The following SCARA5 variants were observed in gnomAD, a reference collection of about 807,000 sequenced individuals.
SCARA5 encodes scavenger receptor class A member 5.
Under a neutral mutation model 46.3 loss-of-function variants are expected in SCARA5, and 45 were observed. The observed-to-expected ratio is 0.97, with a 90% CI of 0.76 to 1.24. The LOEUF (loss-of-function observed/expected upper bound fraction) is 1.24. SCARA5 is among the 50% of genes most tolerant of loss of function. The pLI is 0.00. For missense variants in SCARA5, 680 were observed against 689.0 expected, an observed-to-expected ratio of 0.99 and a Z score of 0.15; for synonymous variants, 333 against 306.5, an observed-to-expected ratio of 1.09 and a Z score of -0.90.
intron 7 of SCARA5, among the ~76,000 whole-genome samples, chr8:27,901,405 G>A (rs17058190): frequency 0.18 from 28,124 of 152,048 alleles, 2,742 homozygotes; most frequent in Middle Eastern, 0.3. Context: ...GCTCTCCGGT[G>A]CTGCAAACGC....
intron 2 of SCARA5, among the ~76,000 whole-genome samples, chr8:27,972,104 G>C (rs1808455282): frequency 1.3e-5 from 2 of 152,028 alleles, no homozygotes; most frequent in Admixed American, 1.3e-4. Flanking sequence ...ATGACCTGAG[G>C]TCAGGAGTTC....
chr8:27,924,006 T>G (rs1807642871), intron 3 of SCARA5, among the ~76,000 whole-genome samples: 1 of 152,202 alleles, frequency 6.6e-6, no homozygotes, highest in African/African-American at 2.4e-5. Context: ...AACAGTGATG[T>G]GTGTCTTCAT....
chr8:27,879,477 T>C (rs1806773969), intron 8 of SCARA5, 92 bp downstream of exon 8: 5 of 1,270,736 alleles, frequency 3.9e-6, no homozygotes, highest in African/African-American at 1.5e-5. Flanking sequence ...CCTCGCGGAA[T>C]TGCAGTGGAA....
At chr8:27,944,760 C>T (rs1034830027) in intron 3 of SCARA5, among the ~76,000 whole-genome samples, 1 of 150,298 alleles carries the variant, frequency 6.7e-6, no homozygotes, top group African/African-American at 2.5e-5. Flanking sequence ...ATCCCAGATA[C>T]TTGGGAGGCT....
At chr8:27,987,665 C>T (rs372996545) in intron 1 of SCARA5, 35 bp from the exon 2 acceptor site, 111 of 1,271,582 alleles carry the variant, frequency 8.7e-5, no homozygotes, top group Non-Finnish European at 1.1e-4. Context: ...AGAGGGAGGA[C>T]GAAGGCCGGG....
intron 7 of SCARA5, among the ~76,000 whole-genome samples, chr8:27,882,052 C>T (rs1006370035): frequency 6.6e-6 from 1 of 152,210 alleles, no homozygotes; most frequent in East Asian, 1.9e-4. Context: ...CTCCCTCCTC[C>T]CTACCCCTGG....
intron 3 of SCARA5, among the ~76,000 whole-genome samples, chr8:27,949,450 T>C (rs1476678392): frequency 6.6e-6 from 1 of 152,242 alleles, no homozygotes; most frequent in African/African-American, 2.4e-5. Flanking sequence ...GAGGCTCAAG[T>C]AACCTATTGG....
At chr8:27,937,923 C>T (rs1807883082) in intron 3 of SCARA5, among the ~76,000 whole-genome samples, 1 of 152,218 alleles carries the variant, frequency 6.6e-6, no homozygotes, top group Non-Finnish European at 1.5e-5. Flanking sequence ...AAGTTCCTAT[C>T]TCCAAATACA....
intron 2 of SCARA5, among the ~76,000 whole-genome samples, chr8:27,985,245 G>A (rs1022776355): frequency 6.6e-5 from 10 of 152,178 alleles, no homozygotes; most frequent in Admixed American, 5.2e-4. Flanking sequence ...CGCAGAAGGT[G>A]GGAGCTGAGC....
chr8:27,933,776 C>T (rs980232046), intron 3 of SCARA5, among the ~76,000 whole-genome samples: 7 of 151,976 alleles, frequency 4.6e-5, no homozygotes, highest in Non-Finnish European at 8.8e-5. Context: ...TGAAAAAAGA[C>T]TGAGGAGCAA....
Position 27,947,140 on chromosome 8 carries a change from G to A in SCARA5, c.241+19274C>T, listed in dbSNP as rs192233898. On this transcript the variant is annotated intron_variant, in intron 3 of 8. Coordinates refer to ENST00000354914, the MANE Select transcript of SCARA5 (RefSeq NM_173833.6). ...GATTCTCCTACTTCAGTCTCCCGAG[G>A]AGCTGGGACTATAGGTATGCACTAC... Among the ~76,000 whole-genome samples the A allele has an allele frequency of 3.3e-5, 5 of 152,078 alleles. No homozygotes were observed. The East Asian group carries it at 9.7e-4, about 29-fold the overall frequency.
chr8:27,909,875 A>T, intron 4 of SCARA5, 132 bp from the exon 5 acceptor site: 1 of 567,190 alleles, frequency 1.8e-6, no homozygotes, highest in Non-Finnish European at 3.1e-6. Context: ...CTCACAGGAA[A>T]CCCCCAGCCC....
At chr8:27,983,412 C>G (rs532588589) in intron 2 of SCARA5, among the ~76,000 whole-genome samples, 250 of 152,306 alleles carry the variant, frequency 1.6e-3, no homozygotes, top group South Asian at 4.4e-3. Context: ...TTCCCACATG[C>G]CTCCTTGTCT....
chr8:27,974,379 C>A (rs1358168743), intron 2 of SCARA5, among the ~76,000 whole-genome samples: 1 of 152,004 alleles, frequency 6.6e-6, no homozygotes, highest in African/African-American at 2.4e-5. Flanking sequence ...TCCCCCCTCC[C>A]ATTTTAAAAG....
At chr8:27,981,729 C>T (rs11786962) in intron 2 of SCARA5, among the ~76,000 whole-genome samples, 32,974 of 152,250 alleles carry the variant, frequency 0.22, 4,399 homozygotes, top group Middle Eastern at 0.38. Flanking sequence ...GCCCATTGGG[C>T]AAGAGAGACC....
intron 7 of SCARA5, 154 bp downstream of exon 7, chr8:27,904,624 C>T (rs1807220533): frequency 3.6e-5 from 27 of 755,946 alleles, no homozygotes; most frequent in South Asian, 3.5e-4. Context: ...TCTTGCTAGA[C>T]CAGCAGAGCC....
chr8:27,944,854 C>T (rs1469918465), intron 3 of SCARA5, among the ~76,000 whole-genome samples: 2 of 151,906 alleles, frequency 1.3e-5, no homozygotes, highest in Admixed American at 6.6e-5. Context: ...GGCGACAGAG[C>T]GAGAGCCTGT....
chr8:27,941,825 ATTATTAT>A (rs1807950684), intron 3 of SCARA5, among the ~76,000 whole-genome samples: 3 of 147,466 alleles, frequency 2.0e-5, no homozygotes, highest in African/African-American at 7.4e-5. Context: ...TATTATTATT[ATTATTAT>A]TATTATTATT....
intron 3 of SCARA5, among the ~76,000 whole-genome samples, chr8:27,935,570 G>A (rs1277953195): frequency 6.6e-6 from 1 of 152,188 alleles, no homozygotes; most frequent in African/African-American, 2.4e-5. Flanking sequence ...CAGCACCAAA[G>A]CAGAAAAGTC....
Sources: allele counts gnomAD v4.1 joint callset (sites outside exome capture counted in the v4.1 genomes callset), GRCh38; gene constraint gnomAD v4.1.1; transcripts MANE v1.5; gene names NCBI Gene and HGNC (gene_info 2026-07-23, HGNC 2026-07-21).